Variants in GRIN2D observed in about 807,000 individuals in gnomAD.
GRIN2D encodes the protein glutamate receptor ionotropic, NMDA 2D.
A neutral mutation model predicts 103.2 loss-of-function variants in GRIN2D; 37 were observed. The observed-to-expected ratio is 0.36, with a 90% CI of 0.28 to 0.47. GRIN2D has a LOEUF of 0.47. Among genes scored for constraint, GRIN2D ranks in the 20% least tolerant of loss-of-function variants. The pLI, the probability that GRIN2D is intolerant of heterozygous loss-of-function variation, is 1.00. For synonymous variants in GRIN2D, 845 were observed against 885.6 expected, an observed-to-expected ratio of 0.95 and a Z score of 0.81; for missense variants, 1,557 against 1,910.6, an observed-to-expected ratio of 0.81 and a Z score of 3.45.
intron 11 of GRIN2D, among the ~76,000 whole-genome samples, chr19:48,429,103 C>A (rs1971124527): frequency 6.6e-6 from 1 of 152,226 alleles, no homozygotes. Context: ...TTTCCTGCTT[C>A]TGCTGAATTC....
chr19:48,426,745 C>T (rs182946405), intron 11 of GRIN2D, among the ~76,000 whole-genome samples: 60 of 151,790 alleles, frequency 4.0e-4, no homozygotes, highest in African/African-American at 1.3e-3. Context: ...CCACCATGCC[C>T]GGCTAATTTT....
intron 3 of GRIN2D, among the ~76,000 whole-genome samples, chr19:48,401,923 A>T (rs1167196487): frequency 6.6e-6 from 1 of 152,108 alleles, no homozygotes; most frequent in African/African-American, 2.4e-5. Context: ...CAACATGGTG[A>T]AACCTCCCTC....
chr19:48,440,083 T>C (rs1379367886), intron 11 of GRIN2D, among the ~76,000 whole-genome samples: 2 of 152,096 alleles, frequency 1.3e-5, no homozygotes, highest in African/African-American at 4.8e-5. Flanking sequence ...TGGTGGTGCA[T>C]GCCTATAATC....
intron 11 of GRIN2D, among the ~76,000 whole-genome samples, chr19:48,426,711 A>T (rs548999378): frequency 6.6e-6 from 1 of 151,922 alleles, no homozygotes; most frequent in Admixed American, 6.6e-5. Context: ...CAGTCTCCTG[A>T]GCAGGTGGGA....
intron 11 of GRIN2D, among the ~76,000 whole-genome samples, chr19:48,435,521 C>T (rs1366081034): frequency 6.6e-6 from 1 of 152,104 alleles, no homozygotes; most frequent in Non-Finnish European, 1.5e-5. Context: ...AACTTCTGAA[C>T]TCAGGTGATC....
intron 3 of GRIN2D, among the ~76,000 whole-genome samples, chr19:48,401,929 C>T (rs1394074723): frequency 2.6e-5 from 4 of 151,934 alleles, no homozygotes; most frequent in Non-Finnish European, 5.9e-5. Context: ...GGTGAAACCT[C>T]CCTCTACTAA....
Position 48,421,727 on chromosome 19 carries a change from AT to A in GRIN2D, c.2092-55del, listed in dbSNP as rs1345677501. 1 of 1,470,586 alleles carries A rather than the reference AT, an allele frequency of 6.8e-7. No individual in the cohort carries two copies. Among genetic ancestry groups the A allele is most frequent in the Non-Finnish European group, 9.4e-7 (1 of 1,060,928 alleles). The allele number at this position is 1,470,586 out of a possible 1,614,324, so 91.1% of individuals were successfully genotyped here. ...TAGCGGGTGTGTCTCAGAATGGGTG[AT>A]TTATGTTAGGGATGTCCCTGCGGAG... On this transcript the variant is annotated intron_variant, in intron 10 of 13. Coordinates refer to ENST00000263269, the MANE Select transcript of GRIN2D (RefSeq NM_000836.4). This position sits in a 1 kb window ranked among gnomAD's most constrained non-coding sequence, Gnocchi z 4.8.
At position 48,443,619 on chromosome 19, in the gene GRIN2D, GCA is replaced by G. The variant is rs1369039578; in HGVS notation, c.3695_3696del (p.His1232ProfsTer99). ...GGGCCCGCTGCGGGTGCCCGCGGTC[GCA>G]CCCGCACCGCCCGCGGGCCTCGCAC... ...RRARCGCPRS[H>X]PHRPRASHRT... On this transcript the variant is annotated frameshift_variant, in exon 14 of 14. Transcript: ENST00000263269. LOFTEE classifies it high-confidence loss of function. This position sits in a 1 kb window ranked among gnomAD's most constrained non-coding sequence, Gnocchi z 8.9. 1 of 1,076,602 alleles carries G rather than the reference GCA, an allele frequency of 9.3e-7. No homozygotes were observed. The highest frequency in any genetic ancestry group is 1.1e-6 in the Non-Finnish European group (1 of 891,848). 66.7% of individuals were successfully genotyped at this position (1,076,602 alleles called of 1,614,324 possible). A position where few individuals can be genotyped will look rare whatever the true frequency, so the allele number is the denominator to read the frequency against.
chr19:48,393,761 G>A lies in GRIN2D; in HGVS notation c.-413G>A, dbSNP rs1484997434. Among the ~76,000 whole-genome samples the A allele has an allele frequency of 1.3e-5, 2 of 152,010 alleles. No homozygotes were observed. The highest frequency in any genetic ancestry group is 2.4e-5 in the African/African-American group (1 of 41,358). ...AGCCGCGGCCGCCGCCGCCACCCTC[G>A]CCCGCAGCCTCCCGCAGCCTCCCTC... On this transcript the variant is annotated 5_prime_UTR_variant, in exon 1 of 14. Transcript: ENST00000263269. The surrounding 1 kb of genome is among the most constrained non-coding windows in gnomAD (Gnocchi z 5.6).
Position 48,438,287 on chromosome 19 carries a change from C to CTTTTTTTTTTTTTTTTT in GRIN2D, c.2253-3469_2253-3453dup, listed in dbSNP as rs71181697. Among the ~76,000 whole-genome samples the CTTTTTTTTTTTTTTTTT allele has an allele frequency of 4.2e-4, 24 of 57,754 alleles. 4 individuals are homozygous for CTTTTTTTTTTTTTTTTT. Among genetic ancestry groups the CTTTTTTTTTTTTTTTTT allele is most frequent in the African/African-American group, 1.4e-3 (18 of 13,224 alleles). The allele number at this position is 57,754 out of a possible 152,430, so 37.9% of individuals were successfully genotyped here. ...TCTCTTCAACTCAGCATCCAGCCGCCTTTTTTTTTTTTTTTTTTTTTTTTT... is the reference window on the plus strand; with the variant it reads ...TCTCTTCAACTCAGCATCCAGCCGCCTTTTTTTTTTTTTTTTTTTTTTTTTTTTTTTTTTTTTTTTTT... On this transcript the variant is annotated intron_variant, in intron 11 of 13. Transcript: ENST00000263269.
Position 48,441,749 on chromosome 19 carries a change from T to G in GRIN2D, c.2253-20T>G, listed in dbSNP as rs1403970054. Reference sequence around the variant, plus strand: ...CATCTAGGTGGGACTGACCCTACCCTCCATTCCCCCTCCCCCCAGGAAGCT... The same window carrying G: ...CATCTAGGTGGGACTGACCCTACCCGCCATTCCCCCTCCCCCCAGGAAGCT... On this transcript the variant is annotated intron_variant, in intron 11 of 13. Coordinates refer to ENST00000263269, the MANE Select transcript of GRIN2D (RefSeq NM_000836.4). 3 of 1,598,412 alleles carry G rather than the reference T, an allele frequency of 1.9e-6. No individual in the cohort carries two copies. The highest frequency in any genetic ancestry group is 2.6e-6 in the Non-Finnish European group (3 of 1,169,964).
At chr19:48,404,292 C>G (rs897520256) in intron 3 of GRIN2D, among the ~76,000 whole-genome samples, 20 of 151,020 alleles carry the variant, frequency 1.3e-4, no homozygotes, top group African/African-American at 4.9e-4. Context: ...AGGTGGCTTT[C>G]CTCCGTATGG....
At chr19:48,424,658 T>C (rs527340044) in intron 11 of GRIN2D, among the ~76,000 whole-genome samples, 2 of 152,260 alleles carry the variant, frequency 1.3e-5, no homozygotes, top group South Asian at 4.1e-4. Context: ...TGAGACCGTT[T>C]ACATAATTTT....
At chr19:48,416,628 T>G (rs1243575446) in intron 8 of GRIN2D, among the ~76,000 whole-genome samples, 1 of 152,116 alleles carries the variant, frequency 6.6e-6, no homozygotes, top group African/African-American at 2.4e-5. Context: ...TGCCAGGTGG[T>G]GGGCTCCACA....
chr19:48,437,292 TA>T (rs1358270757), intron 11 of GRIN2D, among the ~76,000 whole-genome samples: 1 of 152,022 alleles, frequency 6.6e-6, no homozygotes, highest in African/African-American at 2.4e-5. Context: ...GGCTAATTTT[TA>T]AAGTTTTTGT....
intron 8 of GRIN2D, among the ~76,000 whole-genome samples, chr19:48,418,030 G>A (rs1464096227): frequency 6.8e-6 from 1 of 146,142 alleles, no homozygotes; most frequent in Admixed American, 6.8e-5. Flanking sequence ...GCACCTGCGA[G>A]TTCTTTTTTT....
chr19:48,398,909 T>G (rs1600967709), intron 3 of GRIN2D, 52 bp downstream of exon 3: 1 of 963,160 alleles, frequency 1.0e-6, no homozygotes, highest in Non-Finnish European at 1.2e-6. Context: ...GGACAGCCGC[T>G]GAGGGGCGGG....
Position 48,433,718 on chromosome 19 carries a change from C to T in GRIN2D, c.2253-8051C>T, listed in dbSNP as rs571253215. On this transcript the variant is annotated intron_variant, in intron 11 of 13. Transcript: ENST00000263269. Reference sequence around the variant, plus strand: ...AAAAGGAAATATCAAGGCCCCTTTCCGTAATGTAAGCATTATTTTTTTTTC... The same window carrying T: ...AAAAGGAAATATCAAGGCCCCTTTCTGTAATGTAAGCATTATTTTTTTTTC... 6.6e-5 allele frequency among the ~76,000 whole-genome samples: 10 copies of T among 152,304 alleles called. No individual in the cohort carries two copies. In the East Asian group the frequency reaches 1.3e-3, roughly 21 times the overall value.
At chr19:48,441,439 T>C (rs1185361542) in intron 11 of GRIN2D, among the ~76,000 whole-genome samples, 1 of 151,564 alleles carries the variant, frequency 6.6e-6, no homozygotes. Flanking sequence ...CATGAGGTAC[T>C]ATCTAAGCTT....
Sources: gnomAD v4.1 joint callset for allele counts (sites outside exome capture counted in the v4.1 genomes callset) on GRCh38, gnomAD v4.1.1 for gene constraint, Gnocchi (gnomAD v3.1) non-coding constraint, MANE v1.5 for transcripts, NCBI Gene and HGNC (gene_info 2026-07-23, HGNC 2026-07-21) for gene names.